JAK2: variants seen among roughly 807,000 people sequenced by gnomAD.
The protein encoded by JAK2 is tyrosine-protein kinase JAK2.
Under a neutral mutation model 139.3 loss-of-function variants are expected in JAK2, and 86 were observed. The observed-to-expected ratio is 0.62, with a 90% CI of 0.52 to 0.74. The LOEUF (loss-of-function observed/expected upper bound fraction) is 0.74. Among genes scored for constraint, JAK2 ranks in the 30% least tolerant of loss-of-function variants. The pLI is 0.00. For synonymous variants in JAK2, 490 were observed against 437.7 expected (o/e 1.12, Z -1.49); for missense variants, 1,421 against 1,360.3 (o/e 1.04, Z -0.70).
At chr9:5,082,236 C>G (rs1490930680) in intron 19 of JAK2, among the ~76,000 whole-genome samples, 2 of 152,208 alleles carry the variant, frequency 1.3e-5, no homozygotes, top group Non-Finnish European at 1.5e-5. Context: ...ACTATCTCAG[C>G]AAGAGGAATG....
intron 22 of JAK2, chr9:5,097,699 C>CT (rs1488819789): frequency 1.3e-5 from 2 of 152,216 alleles, no homozygotes; most frequent in African/African-American, 4.8e-5. Context: ...ATTCATCTTT[C>CT]TTTTCACAGT....
intron 22 of JAK2, chr9:5,112,810 G>A (rs755234896): frequency 1.8e-6 from 1 of 547,220 alleles, no homozygotes. Flanking sequence ...CTGCCCACCT[G>A]GGCTTGAGTG....
intron 22 of JAK2, among the ~76,000 whole-genome samples, chr9:5,118,080 A>G (rs573747277): frequency 3.3e-4 from 51 of 152,306 alleles, no homozygotes; most frequent in Admixed American, 3.3e-4. Flanking sequence ...AATGTGTCCA[A>G]CTGAATCTAA....
intron 2 of JAK2, among the ~76,000 whole-genome samples, chr9:4,995,317 C>T (rs1459486001): frequency 6.6e-6 from 1 of 152,064 alleles, no homozygotes; most frequent in Admixed American, 6.6e-5. Context: ...GTCTCTTTAT[C>T]TTTTTGATTC....
At chr9:5,018,281 A>G (rs1822198609) in intron 2 of JAK2, among the ~76,000 whole-genome samples, 1 of 151,878 alleles carries the variant, frequency 6.6e-6, no homozygotes, top group Admixed American at 6.6e-5. Flanking sequence ...TGGGTTTGAT[A>G]CTTTCGTCAT....
At chr9:5,117,056 C>T (rs1314866267) in intron 22 of JAK2, among the ~76,000 whole-genome samples, 2 of 152,170 alleles carry the variant, frequency 1.3e-5, no homozygotes, top group African/African-American at 2.4e-5. Flanking sequence ...CTTGCCTTTC[C>T]ACTTTCATCC....
intron 6 of JAK2, 128 bp downstream of exon 6, chr9:5,050,959 G>A (rs1488474583): frequency 3.8e-6 from 3 of 797,572 alleles, no homozygotes; most frequent in Non-Finnish European, 6.0e-6. Flanking sequence ...TATCTAAAAT[G>A]CTTGGAATCA....
chr9:4,998,913 C>T (rs1484445164), intron 2 of JAK2, among the ~76,000 whole-genome samples: 1 of 152,012 alleles, frequency 6.6e-6, no homozygotes, highest in Non-Finnish European at 1.5e-5. Flanking sequence ...GCTCCGCCTC[C>T]CGGGTTCACG....
chr9:5,023,074 T>C (rs750257409), intron 3 of JAK2, among the ~76,000 whole-genome samples: 8 of 152,254 alleles, frequency 5.3e-5, no homozygotes, highest in Non-Finnish European at 2.9e-5. Flanking sequence ...TTAACTATAG[T>C]CACCCTACTC....
intron 2 of JAK2, among the ~76,000 whole-genome samples, chr9:5,005,290 C>T (rs1027040650): frequency 1.7e-4 from 25 of 151,298 alleles, no homozygotes; most frequent in African/African-American, 6.1e-4. Context: ...GTCCTTTGCC[C>T]ATTTTTAAAT....
Position 5,036,194 on chromosome 9 carries a change from G to C in JAK2, c.350+6288G>C, listed in dbSNP as rs1219757950. Among the ~76,000 whole-genome samples the C allele has an allele frequency of 4.6e-5, 7 of 152,252 alleles. No individual in the cohort carries two copies. The South Asian group carries it at 8.3e-4, about 18-fold the overall frequency. On this transcript the variant is annotated intron_variant, in intron 4 of 24. Transcript: ENST00000381652. Reference sequence around the variant, plus strand: ...GGGATGTGAAGGACCTCTTCAAGGAGAACTACAAACCACTGCTCAATGAAG... The same window carrying C: ...GGGATGTGAAGGACCTCTTCAAGGACAACTACAAACCACTGCTCAATGAAG...
intron 19 of JAK2, among the ~76,000 whole-genome samples, chr9:5,087,538 T>C (rs1489844608): frequency 6.6e-6 from 1 of 152,222 alleles, no homozygotes; most frequent in Non-Finnish European, 1.5e-5. Context: ...TCTTAAATCT[T>C]TCTTTTCGCT....
At chr9:4,999,354 A>G (rs1299337542) in intron 2 of JAK2, among the ~76,000 whole-genome samples, 2 of 152,180 alleles carry the variant, frequency 1.3e-5, no homozygotes, top group Non-Finnish European at 1.5e-5. Context: ...TACTGTTTTA[A>G]TAGGCAGTAG....
At chr9:5,030,276 G>T (rs1823060671) in intron 4 of JAK2, among the ~76,000 whole-genome samples, 1 of 152,118 alleles carries the variant, frequency 6.6e-6, no homozygotes, top group South Asian at 2.1e-4. Flanking sequence ...TCTTTATAAA[G>T]AACTTTTTAA....
chr9:5,006,870 C>T (rs919204611), intron 2 of JAK2, among the ~76,000 whole-genome samples: 1 of 152,066 alleles, frequency 6.6e-6, no homozygotes, highest in African/African-American at 2.4e-5. Flanking sequence ...TCTTCTTGTG[C>T]TAGTTTAGGT....
intron 2 of JAK2, among the ~76,000 whole-genome samples, chr9:4,992,190 G>T (rs1340633947): frequency 1.3e-5 from 2 of 152,190 alleles, no homozygotes; most frequent in Non-Finnish European, 2.9e-5. Flanking sequence ...GCTGGCTCTT[G>T]ACTGGGATGT....
At chr9:5,044,589 A>G (rs1038507184) in intron 5 of JAK2, 69 bp downstream of exon 5, 1 of 984,238 alleles carries the variant, frequency 1.0e-6, no homozygotes, top group African/African-American at 1.6e-5. Context: ...TAAGTCACTT[A>G]ATCAGGAAAA....
At position 5,055,730 on chromosome 9, in the gene JAK2, A is replaced by T; in HGVS notation, c.998A>T (p.Gln333Leu). The change falls in exon 8 of 25, where the codon CAA becomes CTA. Residue 333 changes from glutamine (Q) to leucine (L), a missense_variant. Transcript: ENST00000381652. Reference protein sequence around the residue: ...IIDVSIKQANQEGSNESRVVT... With the variant: ...IIDVSIKQANLEGSNESRVVT... ...GATGTCAGTATTAAGCAAGCAAACCAAGAGGGTTCAAATGAAAGCCGAGTT... is the reference window on the plus strand; with the variant it reads ...GATGTCAGTATTAAGCAAGCAAACCTAGAGGGTTCAAATGAAAGCCGAGTT... The T allele has an allele frequency of 6.2e-7, 1 of 1,608,840 alleles. No individual in the cohort carries two copies. Among genetic ancestry groups the T allele is most frequent in the Non-Finnish European group, 8.5e-7 (1 of 1,175,858 alleles).
At chr9:5,082,001 A>C in intron 19 of JAK2, 140 bp downstream of exon 19, 1 of 698,738 alleles carries the variant, frequency 1.4e-6, no homozygotes, top group South Asian at 2.0e-5. Context: ...ATGTTGGAGA[A>C]ATGCTGTGTT....
Sources: gnomAD v4.1 joint callset for allele counts (sites outside exome capture counted in the v4.1 genomes callset) on GRCh38, gnomAD v4.1.1 for gene constraint, MANE v1.5 for transcripts, NCBI Gene and HGNC (gene_info 2026-07-23, HGNC 2026-07-21) for gene names.